LYPD6: variants seen among roughly 807,000 people sequenced by gnomAD.
The protein encoded by LYPD6 is LY6/PLAUR domain containing 6, also known as ly6/PLAUR domain-containing protein 6.
LYPD6 carries 15 observed loss-of-function variants against 22.7 expected under a neutral mutation model. That is an observed-to-expected ratio of 0.66 (90% CI 0.44 to 1.02). The LOEUF (loss-of-function observed/expected upper bound fraction) is 1.02, where lower values mean the gene tolerates loss of function less well. Ranked by LOEUF, LYPD6 falls within the 50% of genes least tolerant of loss-of-function variation. The pLI is 0.00. For missense variants in LYPD6, 189 were observed against 208.4 expected (o/e 0.91, Z 0.57); for synonymous variants, 72 against 77.5 (o/e 0.93, Z 0.37).
chr2:149,367,171 G>T (rs1053260637), intron 1 of LYPD6, among the ~76,000 whole-genome samples: 48 of 152,062 alleles, frequency 3.2e-4, no homozygotes, highest in African/African-American at 1.1e-3. Context: ...GGCTTAGGTG[G>T]GTCCTGTGCT....
chr2:149,436,987 G>C (rs1325391037), intron 1 of LYPD6, among the ~76,000 whole-genome samples: 1 of 152,214 alleles, frequency 6.6e-6, no homozygotes, highest in Non-Finnish European at 1.5e-5. Flanking sequence ...AGTCAGATCT[G>C]CTACTTATTT....
chr2:149,424,228 A>G (rs1432928134), intron 1 of LYPD6, among the ~76,000 whole-genome samples: 1 of 152,184 alleles, frequency 6.6e-6, no homozygotes, highest in Non-Finnish European at 1.5e-5. Flanking sequence ...CTCCTGTGTC[A>G]TAGGGGTTGG....
At chr2:149,336,707 T>C (rs1681040914) in intron 1 of LYPD6, among the ~76,000 whole-genome samples, 1 of 152,218 alleles carries the variant, frequency 6.6e-6, no homozygotes, top group Non-Finnish European at 1.5e-5. Flanking sequence ...TTCTTTTACC[T>C]GTGTTCTCCA....
intron 3 of LYPD6, among the ~76,000 whole-genome samples, chr2:149,462,741 A>T (rs984647567): frequency 2.6e-5 from 4 of 152,034 alleles, no homozygotes; most frequent in South Asian, 4.1e-4. Flanking sequence ...GAATAAATAG[A>T]CCTTAAAAAT....
chr2:149,451,688 G>C (rs1680820465), intron 3 of LYPD6, among the ~76,000 whole-genome samples: 1 of 152,172 alleles, frequency 6.6e-6, no homozygotes, highest in Non-Finnish European at 1.5e-5. Flanking sequence ...AGGTATTGCA[G>C]AGTGGTCTCT....
intron 1 of LYPD6, among the ~76,000 whole-genome samples, chr2:149,370,102 C>G (rs1681773900): frequency 6.6e-6 from 1 of 152,106 alleles, no homozygotes; most frequent in South Asian, 2.1e-4. Context: ...ATTCTGGTGA[C>G]AGGAATTATT....
chr2:149,408,366 A>C (rs539106778), intron 1 of LYPD6, among the ~76,000 whole-genome samples: 1 of 152,186 alleles, frequency 6.6e-6, no homozygotes, highest in Admixed American at 6.5e-5. Flanking sequence ...GACTTTAGGT[A>C]AGCTGAGGAC....
chr2:149,450,117 C>G (rs1362469), intron 3 of LYPD6, among the ~76,000 whole-genome samples: 42,516 of 152,044 alleles, frequency 0.28, 7,418 homozygotes, highest in African/African-American at 0.5. Flanking sequence ...CCTAGTGTGT[C>G]CAGTAGAAAC....
At position 149,417,615 on chromosome 2, in the gene LYPD6, G is replaced by T. The variant is rs189402392; in HGVS notation, c.-71-20023G>T. Among the ~76,000 whole-genome samples, 371 of 152,238 alleles carry T rather than the reference G, an allele frequency of 2.4e-3. 3 individuals are homozygous for T. Among genetic ancestry groups the T allele is most frequent in the Middle Eastern group, 0.01 (3 of 294 alleles). ...GGGGGTCTGCAAAGTAACCAGAAAG[G>T]ATTTCATGTGTTAAATTTTTGATGC... On this transcript the variant is annotated intron_variant, in intron 1 of 4. Transcript: ENST00000334166.
chr2:149,409,469 G>A (rs927195395), intron 1 of LYPD6, among the ~76,000 whole-genome samples: 1 of 152,194 alleles, frequency 6.6e-6, no homozygotes, highest in Non-Finnish European at 1.5e-5. Context: ...ACCTGGTTAA[G>A]CATTCAGGTT....
intron 1 of LYPD6, among the ~76,000 whole-genome samples, chr2:149,338,094 T>C (rs956353371): frequency 6.6e-6 from 1 of 152,196 alleles, no homozygotes; most frequent in Non-Finnish European, 1.5e-5. Flanking sequence ...TTTGCTATTA[T>C]GGATAGTGTT....
intron 1 of LYPD6, among the ~76,000 whole-genome samples, chr2:149,347,175 A>G (rs549209443): frequency 3.4e-5 from 5 of 146,724 alleles, no homozygotes; most frequent in Admixed American, 3.3e-4. Context: ...AAGAAGAGAA[A>G]GAGGAGGAGG....
At chr2:149,400,166 C>G (rs536292411) in intron 1 of LYPD6, among the ~76,000 whole-genome samples, 3 of 152,328 alleles carry the variant, frequency 2.0e-5, no homozygotes, top group Non-Finnish European at 2.9e-5. Context: ...GTGAGTGATG[C>G]GTGCGCTGCG....
chr2:149,381,601 G>C (rs1442423551), intron 1 of LYPD6, among the ~76,000 whole-genome samples: 2 of 152,154 alleles, frequency 1.3e-5, no homozygotes, highest in Non-Finnish European at 2.9e-5. Context: ...TTTGAAGATA[G>C]AGAAGGAAGA....
intron 3 of LYPD6, among the ~76,000 whole-genome samples, chr2:149,449,390 C>A (rs572011540): frequency 1.3e-5 from 2 of 152,206 alleles, no homozygotes; most frequent in African/African-American, 4.8e-5. Flanking sequence ...GTGATACCTT[C>A]GCCTGTACCC....
intron 1 of LYPD6, 112 bp from the exon 2 acceptor site, chr2:149,437,526 C>A: frequency 1.2e-6 from 1 of 812,980 alleles, no homozygotes; most frequent in Non-Finnish European, 1.9e-6. Context: ...TGTCTACCCA[C>A]TTCCTTGTGC....
intron 1 of LYPD6, among the ~76,000 whole-genome samples, chr2:149,426,594 A>G (rs976513363): frequency 1.3e-5 from 2 of 152,232 alleles, no homozygotes; most frequent in Admixed American, 1.3e-4. Flanking sequence ...TCCTGTCCCC[A>G]GAATCCATGG....
intron 1 of LYPD6, among the ~76,000 whole-genome samples, chr2:149,351,895 G>T (rs572183856): frequency 6.6e-6 from 1 of 152,138 alleles, no homozygotes; most frequent in East Asian, 1.9e-4. Flanking sequence ...GAGGTCTTTT[G>T]TCTCTCGGTG....
At chr2:149,484,746 T>C in the LYPD6 span, among the ~76,000 whole-genome samples, 4 of 151,752 alleles carry the variant, frequency 2.6e-5, no homozygotes, top group East Asian at 7.7e-4. Context: ...CAAGGTAAGA[T>C]AAAAAGAAGC....
Sources: allele counts gnomAD v4.1 joint callset (sites outside exome capture counted in the v4.1 genomes callset), GRCh38; gene constraint gnomAD v4.1.1; transcripts MANE v1.5; gene names NCBI Gene and HGNC (gene_info 2026-07-23, HGNC 2026-07-21).